GALNT13: variants seen among roughly 807,000 people sequenced by gnomAD.
GALNT13 encodes the protein polypeptide N-acetylgalactosaminyltransferase 13.
A neutral mutation model predicts 64.2 loss-of-function variants in GALNT13; 28 were observed. The ratio of observed to expected loss-of-function variants is 0.44; its 90% CI spans 0.32 to 0.60. The LOEUF (loss-of-function observed/expected upper bound fraction) is 0.60. Among genes scored for constraint, GALNT13 ranks in the 20% least tolerant of loss-of-function variants. The pLI is 0.05. For synonymous variants in GALNT13, 214 were observed against 224.6 expected, an observed-to-expected ratio of 0.95 and a Z score of 0.42; for missense variants, 577 against 669.8, an observed-to-expected ratio of 0.86 and a Z score of 1.53.
chr2:153,147,924 C>T, the GALNT13 span, among the ~76,000 whole-genome samples: 1 of 151,682 alleles, frequency 6.6e-6, no homozygotes, highest in African/African-American at 2.4e-5. Flanking sequence ...ACTGGAGGAC[C>T]CAAGATCCAT....
the GALNT13 span, among the ~76,000 whole-genome samples, chr2:153,746,288 A>C: frequency 6.6e-6 from 1 of 152,118 alleles, no homozygotes; most frequent in Admixed American, 6.5e-5. Flanking sequence ...ATACCTCCCA[A>C]AAGTTACCAC....
At chr2:153,202,704 T>C in the GALNT13 span, among the ~76,000 whole-genome samples, 21 of 152,222 alleles carry the variant, frequency 1.4e-4, no homozygotes, top group Non-Finnish European at 2.4e-4. Context: ...TACCCGAATT[T>C]ATAAAATAAA....
At chr2:153,190,122 A>T in the GALNT13 span, among the ~76,000 whole-genome samples, 1 of 151,870 alleles carries the variant, frequency 6.6e-6, no homozygotes, top group East Asian at 1.9e-4. Flanking sequence ...TTTATTCTGT[A>T]TTTCTGTTGC....
intron 2 of GALNT13, among the ~76,000 whole-genome samples, chr2:153,914,762 G>A (rs918433560): frequency 1.3e-5 from 2 of 151,936 alleles, no homozygotes; most frequent in African/African-American, 4.8e-5. Flanking sequence ...ATGGTACCTG[G>A]GGCACATGAT....
chr2:153,626,683 G>A, the GALNT13 span, among the ~76,000 whole-genome samples: 1 of 152,064 alleles, frequency 6.6e-6, no homozygotes, highest in Non-Finnish European at 1.5e-5. Context: ...GGCTAAATCA[G>A]GGATTGACAA....
intron 2 of GALNT13, among the ~76,000 whole-genome samples, chr2:153,925,614 G>A (rs373553031): frequency 6.7e-6 from 1 of 148,612 alleles, no homozygotes; most frequent in Non-Finnish European, 1.5e-5. Flanking sequence ...GTAGTTTAAT[G>A]AAAATAGCAT....
chr2:154,001,479 A>G (rs994103572), intron 3 of GALNT13, among the ~76,000 whole-genome samples: 6 of 151,984 alleles, frequency 3.9e-5, no homozygotes, highest in South Asian at 2.1e-4. Context: ...AAAAAATTAT[A>G]TAGTTATAAC....
At chr2:153,500,101 T>C in the GALNT13 span, among the ~76,000 whole-genome samples, 1 of 152,048 alleles carries the variant, frequency 6.6e-6, no homozygotes, top group Non-Finnish European at 1.5e-5. Flanking sequence ...AAGAGGTACA[T>C]CTAACTGTCA....
At chr2:153,695,120 C>G in the GALNT13 span, among the ~76,000 whole-genome samples, 16 of 152,246 alleles carry the variant, frequency 1.1e-4, no homozygotes, top group African/African-American at 3.9e-4. Flanking sequence ...CAAGTTATAA[C>G]AACACCTGTA....
intron 3 of GALNT13, 102 bp from the exon 4 acceptor site, chr2:154,140,235 G>T (rs1356044251): frequency 6.2e-6 from 5 of 812,044 alleles, no homozygotes; most frequent in Non-Finnish European, 9.6e-6. Flanking sequence ...AAACCTGTAT[G>T]TAAATAATAT....
intron 9 of GALNT13, among the ~76,000 whole-genome samples, chr2:154,328,191 C>T (rs1694978290): frequency 6.6e-6 from 1 of 152,064 alleles, no homozygotes; most frequent in Non-Finnish European, 1.5e-5. Context: ...GTTGATCATC[C>T]TGCTGCTAGG....
chr2:154,266,994 C>A (rs931793739), intron 8 of GALNT13, among the ~76,000 whole-genome samples: 1 of 151,834 alleles, frequency 6.6e-6, no homozygotes, highest in Non-Finnish European at 1.5e-5. Context: ...GTGTTATTAA[C>A]ATAAAGACAG....
chr2:153,783,488 A>G, the GALNT13 span, among the ~76,000 whole-genome samples: 3 of 152,112 alleles, frequency 2.0e-5, no homozygotes, highest in African/African-American at 7.2e-5. Flanking sequence ...CTCACCTTCC[A>G]TATTTCATCA....
At chr2:153,250,502 A>G in the GALNT13 span, among the ~76,000 whole-genome samples, 1 of 152,198 alleles carries the variant, frequency 6.6e-6, no homozygotes, top group Non-Finnish European at 1.5e-5. Context: ...AACCAGAAAT[A>G]CCATTTGATC....
the GALNT13 span, among the ~76,000 whole-genome samples, chr2:153,429,358 C>T: frequency 6.6e-6 from 1 of 152,092 alleles, no homozygotes. Context: ...TTACTGTGAA[C>T]TTAGTGAATT....
chr2:153,220,483 A>G, the GALNT13 span, among the ~76,000 whole-genome samples: 2 of 152,262 alleles, frequency 1.3e-5, no homozygotes, highest in Non-Finnish European at 2.9e-5. Flanking sequence ...ATACAACTTC[A>G]GTAAACACAC....
intron 2 of GALNT13, among the ~76,000 whole-genome samples, chr2:153,916,275 G>T (rs1689339524): frequency 6.6e-6 from 1 of 151,474 alleles, no homozygotes; most frequent in Non-Finnish European, 1.5e-5. Flanking sequence ...CCCTTCCTCG[G>T]CCTCCTGAGT....
chr2:153,485,509 A>G, the GALNT13 span, among the ~76,000 whole-genome samples: 1 of 152,220 alleles, frequency 6.6e-6, no homozygotes, highest in Non-Finnish European at 1.5e-5. Flanking sequence ...GTTTGCCGCC[A>G]CCCAAACAGT....
chr2:154,422,329 T>C (rs904253669), intron 11 of GALNT13, among the ~76,000 whole-genome samples: 2 of 152,162 alleles, frequency 1.3e-5, no homozygotes, highest in African/African-American at 4.8e-5. Flanking sequence ...AGTGTTGAAG[T>C]CTAATTTCAC....
Sources: allele counts gnomAD v4.1 joint callset (sites outside exome capture counted in the v4.1 genomes callset), GRCh38; gene constraint gnomAD v4.1.1; transcripts MANE v1.5; gene names NCBI Gene and HGNC (gene_info 2026-07-23, HGNC 2026-07-21).